Variants in HS3ST4 observed in about 807,000 individuals in gnomAD.
HS3ST4 encodes the protein heparan sulfate-glucosamine 3-sulfotransferase 4.
HS3ST4 carries 17 observed loss-of-function variants against 29.2 expected under a neutral mutation model. The observed-to-expected ratio is 0.58, with a 90% CI of 0.40 to 0.87. HS3ST4 has a LOEUF of 0.87. Among genes scored for constraint, HS3ST4 ranks in the 40% least tolerant of loss-of-function variants. HS3ST4 has a pLI of 0.00. For missense variants in HS3ST4, 627 were observed against 634.5 expected (o/e 0.99, Z 0.13); for synonymous variants, 314 against 285.7 (o/e 1.10, Z -1.00).
At chr16:26,079,089 C>A (rs555695200) in intron 1 of HS3ST4, among the ~76,000 whole-genome samples, 4 of 152,324 alleles carry the variant, frequency 2.6e-5, no homozygotes, top group African/African-American at 9.6e-5. Context: ...GGCCCCTTTG[C>A]TGGTGACCAG....
At chr16:25,729,035 A>G (rs1478821468) in intron 1 of HS3ST4, among the ~76,000 whole-genome samples, 1 of 152,078 alleles carries the variant, frequency 6.6e-6, no homozygotes, top group Non-Finnish European at 1.5e-5. Flanking sequence ...GTGAGCTATG[A>G]CTGCACCACT....
chr16:26,129,566 T>A (rs1899390392), intron 1 of HS3ST4, among the ~76,000 whole-genome samples: 1 of 152,160 alleles, frequency 6.6e-6, no homozygotes, highest in African/African-American at 2.4e-5. Flanking sequence ...TCTATGAGAG[T>A]CACTCTTCAA....
chr16:26,125,063 C>A (rs1009111368), intron 1 of HS3ST4, among the ~76,000 whole-genome samples: 2 of 152,204 alleles, frequency 1.3e-5, no homozygotes, highest in Non-Finnish European at 2.9e-5. Flanking sequence ...AAAAGCATCA[C>A]GAACATCATT....
Position 25,751,991 on chromosome 16 carries a change from A to G in HS3ST4, c.734+58840A>G, listed in dbSNP as rs529119043. Among the ~76,000 whole-genome samples the G allele has an allele frequency of 9.5e-5, 13 of 137,124 alleles. No individual in the cohort carries two copies. The South Asian group carries it at 1.9e-3, about 20-fold the overall frequency. The allele number at this position is 137,124 out of a possible 152,430, so 90.0% of individuals were successfully genotyped here. ...GTTTTAAATCTACTCAACTGCTTCC[A>G]TTTCCCTTTTTTTTTTTCTCATCCT... On this transcript the variant is annotated intron_variant, in intron 1 of 1. Transcript: ENST00000331351.
chr16:25,714,912 A>G (rs1386380474), intron 1 of HS3ST4, among the ~76,000 whole-genome samples: 1 of 152,262 alleles, frequency 6.6e-6, no homozygotes, highest in Non-Finnish European at 1.5e-5. Flanking sequence ...TGGAAGGAGT[A>G]TGCACTTTAA....
At chr16:26,134,069 A>T (rs975656276) in intron 1 of HS3ST4, among the ~76,000 whole-genome samples, 1 of 152,130 alleles carries the variant, frequency 6.6e-6, no homozygotes, top group Non-Finnish European at 1.5e-5. Context: ...AGATTAGGGG[A>T]AAATGGCATC....
intron 1 of HS3ST4, among the ~76,000 whole-genome samples, chr16:26,071,709 C>G (rs943355778): frequency 6.6e-6 from 1 of 152,096 alleles, no homozygotes; most frequent in Non-Finnish European, 1.5e-5. Context: ...TAGGAATACA[C>G]CAGGGCTGGA....
intron 1 of HS3ST4, among the ~76,000 whole-genome samples, chr16:26,072,012 C>G (rs1898609027): frequency 6.6e-6 from 1 of 152,162 alleles, no homozygotes; most frequent in South Asian, 2.1e-4. Flanking sequence ...ATGAAGTAGC[C>G]TTTCCCTATC....
chr16:25,833,367 A>C (rs1289285149), intron 1 of HS3ST4, among the ~76,000 whole-genome samples: 2 of 152,162 alleles, frequency 1.3e-5, no homozygotes, highest in Admixed American at 1.3e-4. Flanking sequence ...TCTGGATTTC[A>C]TGGACTGACA....
At chr16:26,016,604 T>C (rs1363458512) in intron 1 of HS3ST4, among the ~76,000 whole-genome samples, 1 of 152,178 alleles carries the variant, frequency 6.6e-6, no homozygotes, top group Non-Finnish European at 1.5e-5. Flanking sequence ...TTTGTTTCTG[T>C]TTCTGACACA....
In HS3ST4 at chr16:26,120,061, G is replaced by GTA. The variant is rs201613958; in HGVS notation, c.735-15550_735-15549insAT. Among the ~76,000 whole-genome samples, 722 of 77,202 alleles carry GTA rather than the reference G, an allele frequency of 9.4e-3. 6 individuals are homozygous for GTA. Among genetic ancestry groups the GTA allele is most frequent in the African/African-American group, 0.032 (678 of 20,920 alleles). The allele number at this position is 77,202 out of a possible 152,430, so 50.6% of individuals were successfully genotyped here. A position where few individuals can be genotyped will look rare whatever the true frequency, so the allele number is the denominator to read the frequency against. ...GGGAAGAGCTGAAGGAAGTGTGTGT[G>GTA]TGTGTGTGTATGTGTGTGTGTGTGT... On this transcript the variant is annotated intron_variant, in intron 1 of 1. Transcript: ENST00000331351.
At chr16:25,951,732 T>C (rs1968685266) in intron 1 of HS3ST4, among the ~76,000 whole-genome samples, 1 of 152,222 alleles carries the variant, frequency 6.6e-6, no homozygotes, top group Admixed American at 6.5e-5. Context: ...CTTTAGCATC[T>C]TTTTAAGTGG....
chr16:25,767,413 A>G (rs778410098), intron 1 of HS3ST4, among the ~76,000 whole-genome samples: 1 of 151,846 alleles, frequency 6.6e-6, no homozygotes, highest in Non-Finnish European at 1.5e-5. Context: ...CTAAGCGAAT[A>G]TGTCTCCTCG....
At chr16:25,801,157 G>A (rs911453001) in intron 1 of HS3ST4, among the ~76,000 whole-genome samples, 2 of 151,978 alleles carry the variant, frequency 1.3e-5, no homozygotes. Context: ...TCATTTGGAG[G>A]ACCACTGTTA....
chr16:25,805,369 C>T (rs114647523), intron 1 of HS3ST4, among the ~76,000 whole-genome samples: 1,767 of 152,218 alleles, frequency 0.012, 36 homozygotes, highest in African/African-American at 0.041. Context: ...GGTATTCTTT[C>T]GAAGGCATCT....
chr16:25,871,306 C>G (rs1967750111), intron 1 of HS3ST4, among the ~76,000 whole-genome samples: 1 of 152,144 alleles, frequency 6.6e-6, no homozygotes, highest in African/African-American at 2.4e-5. Flanking sequence ...AGTGGAGAGT[C>G]CTTAAGCCAG....
chr16:25,771,349 C>T (rs1187245245), intron 1 of HS3ST4, among the ~76,000 whole-genome samples: 5 of 152,156 alleles, frequency 3.3e-5, no homozygotes, highest in Admixed American at 3.3e-4. Flanking sequence ...CATCTGGCCA[C>T]CATGTTGCAA....
At chr16:25,971,799 A>G (rs1025411396) in intron 1 of HS3ST4, among the ~76,000 whole-genome samples, 1 of 151,874 alleles carries the variant, frequency 6.6e-6, no homozygotes, top group Non-Finnish European at 1.5e-5. Flanking sequence ...GTGGCAGGCC[A>G]GTGGGCCTGT....
Position 25,985,494 on chromosome 16 carries a change from G to A in HS3ST4, c.735-150118G>A, listed in dbSNP as rs1441809724. ...GGAAGACGGAGCTTGGGTGGAAAGA[G>A]GGTTCTCTTAACATTAAGTGCATTT... On this transcript the variant is annotated intron_variant, in intron 1 of 1. Transcript: ENST00000331351. Among the ~76,000 whole-genome samples, 3 of 152,058 alleles carry A rather than the reference G, an allele frequency of 2.0e-5. No individual in the cohort carries two copies. In the East Asian group the frequency reaches 5.8e-4, roughly 29 times the overall value.
Sources: allele counts gnomAD v4.1 joint callset (sites outside exome capture counted in the v4.1 genomes callset), GRCh38; gene constraint gnomAD v4.1.1; transcripts MANE v1.5; gene names NCBI Gene and HGNC (gene_info 2026-07-23, HGNC 2026-07-21).